CDH13: variants seen among roughly 807,000 people sequenced by gnomAD.
The protein encoded by CDH13 is cadherin-13.
In CDH13, 24 loss-of-function variants were observed where a neutral mutation model predicts 63.8. The ratio of observed to expected loss-of-function variants is 0.38; its 90% CI spans 0.27 to 0.53. The LOEUF (loss-of-function observed/expected upper bound fraction) is 0.53, where lower values mean the gene tolerates loss of function less well. Ranked by LOEUF, CDH13 falls within the 20% of genes least tolerant of loss-of-function variation. CDH13 has a pLI of 0.85. For synonymous variants in CDH13, 503 were observed against 355.3 expected, an observed-to-expected ratio of 1.42 and a Z score of -4.67; for missense variants, 1,049 against 903.1, an observed-to-expected ratio of 1.16 and a Z score of -2.07.
At chr16:83,458,205 C>T (rs913491201) in intron 6 of CDH13, among the ~76,000 whole-genome samples, 2 of 152,208 alleles carry the variant, frequency 1.3e-5, no homozygotes, top group African/African-American at 4.8e-5. Flanking sequence ...GGCTCCAACT[C>T]AAGATCTGCT....
intron 3 of CDH13, among the ~76,000 whole-genome samples, chr16:83,121,012 T>C (rs1456503679): frequency 6.6e-6 from 1 of 152,174 alleles, no homozygotes; most frequent in East Asian, 1.9e-4. Flanking sequence ...TCCTCCCGCC[T>C]CGGCCTCCCA....
chr16:82,954,920 G>C (rs1905841362), intron 2 of CDH13, among the ~76,000 whole-genome samples: 1 of 152,074 alleles, frequency 6.6e-6, no homozygotes, highest in Non-Finnish European at 1.5e-5. Flanking sequence ...TTTCACTTAG[G>C]ATAGTGTTTT....
chr16:83,745,357 A>G (rs889508333), intron 10 of CDH13, among the ~76,000 whole-genome samples: 4 of 152,192 alleles, frequency 2.6e-5, no homozygotes, highest in Non-Finnish European at 4.4e-5. Context: ...ACCCCAACAC[A>G]AAAAGGATTG....
chr16:82,645,655 G>A (rs1427090398), intron 1 of CDH13, among the ~76,000 whole-genome samples: 3 of 152,128 alleles, frequency 2.0e-5, no homozygotes, highest in African/African-American at 4.8e-5. Flanking sequence ...GCACACACAG[G>A]GATTTTTATC....
intron 1 of CDH13, among the ~76,000 whole-genome samples, chr16:82,838,108 G>T (rs1177570190): frequency 6.6e-6 from 1 of 152,180 alleles, no homozygotes; most frequent in East Asian, 1.9e-4. Context: ...GGTGCTAGCA[G>T]CTGCCTCTGT....
At chr16:83,347,010 A>G (rs1310783441) in intron 6 of CDH13, among the ~76,000 whole-genome samples, 1 of 152,184 alleles carries the variant, frequency 6.6e-6, no homozygotes, top group Non-Finnish European at 1.5e-5. Context: ...TAAAGCACGC[A>G]GTGAAATAGA....
intron 3 of CDH13, among the ~76,000 whole-genome samples, chr16:83,056,086 C>G (rs1365738155): frequency 6.6e-6 from 1 of 152,068 alleles, no homozygotes; most frequent in South Asian, 2.1e-4. Flanking sequence ...TACATGACCA[C>G]TAAACATATT....
At chr16:83,713,528 C>A (rs1017777564) in intron 10 of CDH13, among the ~76,000 whole-genome samples, 1 of 151,346 alleles carries the variant, frequency 6.6e-6, no homozygotes, top group Non-Finnish European at 1.5e-5. Context: ...AAAAAATTTC[C>A]TCTTCAAATT....
rs138458004 is a variant in CDH13 at position 83,073,827 on chromosome 16, C to G, written c.366+41609C>G. Among the ~76,000 whole-genome samples the G allele has an allele frequency of 4.0e-3, 615 of 152,076 alleles. 3 individuals are homozygous for G. Among genetic ancestry groups the G allele is most frequent in the African/African-American group, 0.014 (591 of 41,480 alleles). On this transcript the variant is annotated intron_variant, in intron 3 of 13. Transcript: ENST00000567109. ...ATATACAGTACAGCATAGCAATTGT[C>G]TACCAGTGACAGATTTATTTTTAAG... is the stretch of plus-strand genomic sequence containing the variant.
At chr16:82,881,258 G>T (rs767919177) in intron 2 of CDH13, among the ~76,000 whole-genome samples, 10 of 152,144 alleles carry the variant, frequency 6.6e-5, no homozygotes, top group Admixed American at 1.3e-4. Context: ...CCATTTGGAT[G>T]CCATGGGTTG....
At chr16:82,696,287 GTCAC>G (rs1173434002) in intron 1 of CDH13, among the ~76,000 whole-genome samples, 6 of 152,272 alleles carry the variant, frequency 3.9e-5, no homozygotes, top group Admixed American at 2.0e-4. Context: ...ACTAAAAAGT[GTCAC>G]TCACTCTATA....
At chr16:83,474,496 A>G (rs758858807) in intron 6 of CDH13, among the ~76,000 whole-genome samples, 3 of 152,160 alleles carry the variant, frequency 2.0e-5, no homozygotes, top group Non-Finnish European at 4.4e-5. Flanking sequence ...ATCTTCAATG[A>G]GCAGCCAGGG....
intron 8 of CDH13, among the ~76,000 whole-genome samples, chr16:83,647,641 A>G (rs940061315): frequency 6.6e-6 from 1 of 152,214 alleles, no homozygotes; most frequent in Admixed American, 6.5e-5. Context: ...ACAGAGAAGG[A>G]AAATTGACAG....
chr16:83,375,535 T>A (rs2091445157), intron 6 of CDH13, among the ~76,000 whole-genome samples: 1 of 152,184 alleles, frequency 6.6e-6, no homozygotes, highest in South Asian at 2.1e-4. Context: ...ATCAGATCTT[T>A]AATGGAGCTG....
intron 2 of CDH13, among the ~76,000 whole-genome samples, chr16:82,997,848 A>G (rs1394025689): frequency 6.6e-6 from 1 of 152,208 alleles, no homozygotes; most frequent in African/African-American, 2.4e-5. Context: ...CAAAGAGATT[A>G]ACTACCAGTT....
intron 8 of CDH13, among the ~76,000 whole-genome samples, chr16:83,664,009 A>G (rs1598433713): frequency 6.6e-6 from 1 of 152,144 alleles, no homozygotes; most frequent in African/African-American, 2.4e-5. Context: ...AAAAAAAAAA[A>G]AAAATTTAAA....
chr16:83,507,145 C>A (rs950083198), intron 7 of CDH13, among the ~76,000 whole-genome samples: 2 of 152,212 alleles, frequency 1.3e-5, no homozygotes, highest in Non-Finnish European at 2.9e-5. Flanking sequence ...TGGACTTTTT[C>A]TGGTCTTCTT....
At chr16:83,719,974 G>A (rs927670433) in intron 10 of CDH13, among the ~76,000 whole-genome samples, 23 of 152,162 alleles carry the variant, frequency 1.5e-4, no homozygotes, top group Non-Finnish European at 4.4e-5. Flanking sequence ...GTGAGGCCTT[G>A]CAAGGGCTAC....
intron 6 of CDH13, among the ~76,000 whole-genome samples, chr16:83,365,801 A>G (rs1054535651): frequency 9.9e-5 from 15 of 152,196 alleles, no homozygotes; most frequent in Admixed American, 5.2e-4. Context: ...TGAGGATTCA[A>G]CCTGCTGCTG....
Sources: gnomAD v4.1 joint callset for allele counts (sites outside exome capture counted in the v4.1 genomes callset) on GRCh38, gnomAD v4.1.1 for gene constraint, MANE v1.5 for transcripts, NCBI Gene and HGNC (gene_info 2026-07-23, HGNC 2026-07-21) for gene names.